Variants in LRMDA observed in about 807,000 individuals in gnomAD.
LRMDA encodes leucine-rich melanocyte differentiation-associated protein.
LRMDA carries 18 observed loss-of-function variants against 29.8 expected under a neutral mutation model. That is an observed-to-expected ratio of 0.60 (90% CI 0.42 to 0.90). The LOEUF is 0.90. LRMDA is among the 40% of genes least tolerant of loss of function. The pLI is 0.00. For missense variants in LRMDA, 273 were observed against 273.9 expected (o/e 1.00, Z 0.02); for synonymous variants, 125 against 109.4 (o/e 1.14, Z -0.89).
intron 5 of LRMDA, among the ~76,000 whole-genome samples, chr10:76,264,498 T>C (rs1839982995): frequency 7.0e-6 from 1 of 142,766 alleles, no homozygotes; most frequent in Non-Finnish European, 1.5e-5. Flanking sequence ...CATTTGCAAG[T>C]GGCATGGTCA....
chr10:76,516,333 T>A (rs1843060838), intron 6 of LRMDA, among the ~76,000 whole-genome samples: 1 of 141,184 alleles, frequency 7.1e-6, no homozygotes, highest in South Asian at 2.3e-4. Flanking sequence ...AGCAATAAGT[T>A]TTTTTTAAAA....
chr10:75,558,670 A>G (rs1199887454), intron 2 of LRMDA, among the ~76,000 whole-genome samples: 1 of 148,880 alleles, frequency 6.7e-6, no homozygotes, highest in Non-Finnish European at 1.5e-5. Flanking sequence ...TCCTAATGCT[A>G]TCCCTCCCCA....
intron 5 of LRMDA, among the ~76,000 whole-genome samples, chr10:76,185,869 A>G (rs1285965686): frequency 6.6e-6 from 1 of 152,196 alleles, no homozygotes; most frequent in Non-Finnish European, 1.5e-5. Context: ...CGGGATCTCT[A>G]TGAGTTTCAC....
intron 5 of LRMDA, among the ~76,000 whole-genome samples, chr10:76,086,704 G>A (rs774026315): frequency 2.6e-5 from 4 of 152,118 alleles, no homozygotes; most frequent in African/African-American, 7.2e-5. Flanking sequence ...AGGCATCACC[G>A]TGGAAGAACT....
chr10:76,309,941 C>T (rs867688243), intron 5 of LRMDA, among the ~76,000 whole-genome samples: 1 of 152,160 alleles, frequency 6.6e-6, no homozygotes. Context: ...CCATTCATCA[C>T]GCTTCCTAAT....
intron 2 of LRMDA, among the ~76,000 whole-genome samples, chr10:75,820,738 T>G (rs922687383): frequency 1.7e-4 from 26 of 152,214 alleles, no homozygotes; most frequent in African/African-American, 6.0e-4. Context: ...AGTTGGTTCT[T>G]TGAAAACATA....
At chr10:76,366,925 T>C (rs4542344) in intron 6 of LRMDA, among the ~76,000 whole-genome samples, 139,262 of 152,226 alleles carry the variant, frequency 0.91, 64,402 homozygotes, top group Non-Finnish European at 0.96. Flanking sequence ...AAGGTATGTC[T>C]CTTGTGTGCC....
At chr10:75,645,528 G>A (rs777050680) in intron 2 of LRMDA, among the ~76,000 whole-genome samples, 40 of 152,168 alleles carry the variant, frequency 2.6e-4, no homozygotes, top group Non-Finnish European at 5.4e-4. Flanking sequence ...TGGCCTGGTG[G>A]TGGAGGTGCC....
At chr10:75,598,045 G>A (rs1234673181) in intron 2 of LRMDA, among the ~76,000 whole-genome samples, 3 of 152,158 alleles carry the variant, frequency 2.0e-5, no homozygotes, top group Admixed American at 6.5e-5. Flanking sequence ...CCGTAGAGCC[G>A]GCATTGATTT....
intron 2 of LRMDA, among the ~76,000 whole-genome samples, chr10:75,713,816 T>C (rs1312251821): frequency 6.6e-6 from 1 of 152,150 alleles, no homozygotes; most frequent in African/African-American, 2.4e-5. Context: ...GTCCCTTTCC[T>C]TCTCCCTCCC....
At chr10:75,641,894 G>C (rs1202539865) in intron 2 of LRMDA, among the ~76,000 whole-genome samples, 1 of 150,170 alleles carries the variant, frequency 6.7e-6, no homozygotes. Flanking sequence ...AAAAAAAGAA[G>C]AAAGATAAAT....
At chr10:76,348,323 G>A (rs1421485142) in intron 6 of LRMDA, among the ~76,000 whole-genome samples, 3 of 152,166 alleles carry the variant, frequency 2.0e-5, no homozygotes, top group East Asian at 3.9e-4. Context: ...GTAGAGTGGG[G>A]TAGAGCTAGA....
chr10:75,712,389 C>A (rs1183258972), intron 2 of LRMDA, among the ~76,000 whole-genome samples: 1 of 142,940 alleles, frequency 7.0e-6, no homozygotes, highest in Non-Finnish European at 1.5e-5. Context: ...CTGGGCCCTC[C>A]GTCAGCAGAT....
intron 2 of LRMDA, among the ~76,000 whole-genome samples, chr10:75,580,108 A>G (rs532127172): frequency 3.9e-5 from 6 of 152,342 alleles, no homozygotes; most frequent in East Asian, 3.9e-4. Context: ...AGGGTATTCA[A>G]TTAGGAAAAG....
chr10:75,954,053 G>A (rs1233727894), intron 2 of LRMDA, among the ~76,000 whole-genome samples: 1 of 152,214 alleles, frequency 6.6e-6, no homozygotes, highest in East Asian at 1.9e-4. Flanking sequence ...TCACGAGAAG[G>A]ATCGGGCAGC....
intron 6 of LRMDA, among the ~76,000 whole-genome samples, chr10:76,448,765 G>A (rs1177163204): frequency 6.6e-6 from 1 of 151,482 alleles, no homozygotes; most frequent in African/African-American, 2.4e-5. Context: ...GCCTTTTGTT[G>A]TGCAAGCATT....
intron 5 of LRMDA, among the ~76,000 whole-genome samples, chr10:76,230,981 A>T (rs1180650171): frequency 6.6e-6 from 1 of 152,248 alleles, no homozygotes; most frequent in Non-Finnish European, 1.5e-5. Flanking sequence ...GACAAAGGCC[A>T]TGCAAAAATT....
chr10:76,298,593 C>T (rs781011241), intron 5 of LRMDA, among the ~76,000 whole-genome samples: 12 of 152,148 alleles, frequency 7.9e-5, no homozygotes, highest in Non-Finnish European at 1.6e-4. Flanking sequence ...GCACCCATGA[C>T]GTGCCGTGCA....
intron 6 of LRMDA, among the ~76,000 whole-genome samples, chr10:76,525,522 A>C (rs996263124): frequency 1.3e-5 from 2 of 152,152 alleles, no homozygotes; most frequent in Non-Finnish European, 2.9e-5. Context: ...AGGGGGTAGG[A>C]GGCAAGAACC....
Sources: allele counts gnomAD v4.1 joint callset (sites outside exome capture counted in the v4.1 genomes callset), GRCh38; gene constraint gnomAD v4.1.1; transcripts MANE v1.5; gene names NCBI Gene and HGNC (gene_info 2026-07-23, HGNC 2026-07-21).